Variants in RIPK1 observed in about 807,000 individuals in gnomAD.
RIPK1 encodes the protein receptor-interacting serine/threonine-protein kinase 1.
RIPK1 carries 27 observed loss-of-function variants against 62.4 expected under a neutral mutation model. That is an observed-to-expected ratio of 0.43 (90% CI 0.32 to 0.60). The LOEUF is 0.60. Among genes scored for constraint, RIPK1 ranks in the 20% least tolerant of loss-of-function variants. The pLI is 0.07. For missense variants in RIPK1, 735 were observed against 831.0 expected (o/e 0.88, Z 1.42); for synonymous variants, 287 against 303.2 (o/e 0.95, Z 0.55).
chr6:3,099,046 G>T (rs1760464333), intron 7 of RIPK1, among the ~76,000 whole-genome samples: 1 of 152,214 alleles, frequency 6.6e-6, no homozygotes, highest in African/African-American at 2.4e-5. Flanking sequence ...CCTTGAGGGG[G>T]AATCTGAGAG....
intron 7 of RIPK1, among the ~76,000 whole-genome samples, chr6:3,090,385 C>G (rs572870095): frequency 6.6e-6 from 1 of 152,190 alleles, no homozygotes; most frequent in African/African-American, 2.4e-5. Context: ...ACAAATAAAA[C>G]AGGCAGAGAC....
intron 5 of RIPK1, among the ~76,000 whole-genome samples, chr6:3,083,919 A>ACATCCTGTCGAG (rs1361487577): frequency 1.3e-5 from 2 of 152,100 alleles, no homozygotes; most frequent in East Asian, 3.9e-4. Context: ...TCCTGTCGAC[A>ACATCCTGTCGAG]CTGTCCTGCA....
At chr6:3,069,324 G>A (rs2113534910) in intron 1 of RIPK1, among the ~76,000 whole-genome samples, 1 of 152,328 alleles carries the variant, frequency 6.6e-6, no homozygotes, top group South Asian at 2.1e-4. Flanking sequence ...CTGAGGGGAC[G>A]AATGTGGTAA....
chr6:3,071,586 C>A (rs958936810), intron 1 of RIPK1, among the ~76,000 whole-genome samples: 2 of 152,194 alleles, frequency 1.3e-5, no homozygotes, highest in Non-Finnish European at 2.9e-5. Flanking sequence ...CAACTACTCA[C>A]AAGGCCTTCC....
intron 9 of RIPK1, among the ~76,000 whole-genome samples, chr6:3,109,044 G>A (rs921169029): frequency 3.3e-5 from 5 of 152,142 alleles, no homozygotes; most frequent in African/African-American, 4.8e-5. Context: ...TTTAGGGACA[G>A]TACCAACACT....
intron 7 of RIPK1, among the ~76,000 whole-genome samples, chr6:3,098,059 C>T (rs756661339): frequency 6.6e-6 from 1 of 152,094 alleles, no homozygotes; most frequent in Non-Finnish European, 1.5e-5. Flanking sequence ...ATTAGCTGGG[C>T]GTGGTGGTGC....
chr6:3,087,095 C>G (rs1759737147), intron 6 of RIPK1, among the ~76,000 whole-genome samples: 1 of 152,150 alleles, frequency 6.6e-6, no homozygotes, highest in South Asian at 2.1e-4. Context: ...TGAACTCTGT[C>G]ATTCTAAAAT....
intron 6 of RIPK1, among the ~76,000 whole-genome samples, chr6:3,086,278 A>G (rs1188737962): frequency 2.0e-5 from 3 of 152,240 alleles, no homozygotes; most frequent in Non-Finnish European, 4.4e-5. Context: ...TTGTGTGAAT[A>G]TAAGTCTTCA....
In RIPK1 at chr6:3,105,687, T is replaced by C. The variant is rs757511544; in HGVS notation, c.1212T>C (p.Ala404=). 2 of 1,614,074 alleles carry C rather than the reference T, an allele frequency of 1.2e-6. No individual in the cohort carries two copies. The highest frequency in any genetic ancestry group is 1.7e-6 in the Non-Finnish European group (2 of 1,179,966). Reference sequence around the variant, plus strand: ...AACAGCAGCCCAGACAGAATGTGGCTTACAACAGAGAGGAGGAAAGGAGAC... The same window carrying C: ...AACAGCAGCCCAGACAGAATGTGGCCTACAACAGAGAGGAGGAAAGGAGAC... ...QTKQQPRQNV[A]YNREEERRRR... is the part of the protein sequence containing the mutation. The change falls in exon 9 of 11, where the codon GCT becomes GCC. Residue 404 remains alanine (A), a synonymous_variant. Transcript: ENST00000259808. The surrounding 1 kb of genome is among the most constrained non-coding windows in gnomAD (Gnocchi z 4.5).
At chr6:3,079,757 G>A (rs1759279826) in intron 3 of RIPK1, among the ~76,000 whole-genome samples, 1 of 152,236 alleles carries the variant, frequency 6.6e-6, no homozygotes, top group African/African-American at 2.4e-5. Flanking sequence ...TGGTATTATA[G>A]TTTGATCAGA....
chr6:3,104,749 A>C (rs1332611042), intron 8 of RIPK1, among the ~76,000 whole-genome samples: 3 of 152,212 alleles, frequency 2.0e-5, no homozygotes, highest in African/African-American at 7.2e-5. Flanking sequence ...TCTGTGGCTA[A>C]TTACTTAACC....
intron 1 of RIPK1, 95 bp downstream of exon 1, chr6:3,068,756 C>A: frequency 1.3e-6 from 1 of 751,742 alleles, no homozygotes; most frequent in Non-Finnish European, 1.6e-6. Context: ...CCTCCCCCAG[C>A]ACGCCCGGGC....
chr6:3,066,135 C>T (rs541523220), upstream of RIPK1, among the ~76,000 whole-genome samples: 46 of 152,224 alleles, frequency 3.0e-4, no homozygotes, highest in African/African-American at 1.0e-3. Context: ...GCAATTCTCC[C>T]GCCTCAGCCT....
At chr6:3,066,319 C>A (rs990530315), upstream of RIPK1, among the ~76,000 whole-genome samples, 1 of 152,190 alleles carries the variant, frequency 6.6e-6, no homozygotes, top group Non-Finnish European at 1.5e-5. Context: ...CCACTACACA[C>A]GGCCAGAACA....
Position 3,114,664 on chromosome 6 carries a change from C to A in RIPK1, c.*1325C>A, listed in dbSNP as rs1761322130. ...TCCCCTCAACTCTAGCAGACACATA[C>A]ACACCCCTGAAATGGGGCTGCAGAG... On this transcript the variant is annotated 3_prime_UTR_variant, in exon 11 of 11. Coordinates refer to ENST00000259808, the MANE Select transcript of RIPK1 (RefSeq NM_001354930.2). The surrounding 1 kb of genome is among the most constrained non-coding windows in gnomAD (Gnocchi z 5.0). 1 of 152,246 alleles carries A rather than the reference C, an allele frequency of 6.6e-6. No individual in the cohort carries two copies. Among genetic ancestry groups the A allele is most frequent in the African/African-American group, 2.4e-5 (1 of 41,426 alleles). 9.4% of individuals were successfully genotyped at this position (152,246 alleles called of 1,614,324 possible).
chr6:3,112,714 T>C (rs1227327094), intron 10 of RIPK1, among the ~76,000 whole-genome samples: 1 of 152,104 alleles, frequency 6.6e-6, no homozygotes, highest in African/African-American at 2.4e-5. Context: ...AAAATTTTTT[T>C]TTTGGTAGAG....
rs1760814947 is a variant in RIPK1, at chr6:3,105,725, A to G, written c.1250A>G (p.His417Arg). The change falls in exon 9 of 11, where the codon CAT becomes CGT. Residue 417 changes from histidine to arginine, a missense_variant. Physicochemically the swap from His to Arg is conservative, Grantham distance 29. Coordinates refer to ENST00000259808, the MANE Select transcript of RIPK1 (RefSeq NM_001354930.2). This position sits in a 1 kb window ranked among gnomAD's most constrained non-coding sequence, Gnocchi z 4.5. Reference protein sequence around the residue: ...REEERRRRVSHDPFAQQRPYE... With the variant: ...REEERRRRVSRDPFAQQRPYE... ...GAGGAAAGGAGACGCAGGGTCTCCC[A>G]TGACCCTTTTGCACAGCAAAGACCT... is the stretch of plus-strand genomic sequence containing the variant. 1 of 1,613,932 alleles carries G rather than the reference A, an allele frequency of 6.2e-7. No individual in the cohort carries two copies. The highest frequency in any genetic ancestry group is 8.5e-7 in the Non-Finnish European group (1 of 1,179,864).
chr6:3,077,459 T>TC (rs891022894), intron 2 of RIPK1, among the ~76,000 whole-genome samples: 2 of 151,882 alleles, frequency 1.3e-5, no homozygotes, highest in African/African-American at 4.8e-5. Context: ...AGAGGCTGTT[T>TC]TTTTTTTTTT....
Position 3,113,546 on chromosome 6 carries a change from ACTT to A in RIPK1, c.*210_*212del. 1.8e-6 allele frequency: 1 copy of A among 541,046 alleles called. No homozygotes were observed. Among genetic ancestry groups the A allele is most frequent in the South Asian group, 2.8e-5 (1 of 35,958 alleles). The allele number at this position is 541,046 out of a possible 1,614,324, so 33.5% of individuals were successfully genotyped here. ...CACTCTGTTGCCAGGCTGGTCTCAA[ACTT>A]CTGGACTCAAGTGATCCTCCCGCCT... On this transcript the variant is annotated 3_prime_UTR_variant, in exon 11 of 11. Transcript: ENST00000259808. This position sits in a 1 kb window ranked among gnomAD's most constrained non-coding sequence, Gnocchi z 5.0.
Sources: allele counts gnomAD v4.1 joint callset (sites outside exome capture counted in the v4.1 genomes callset), GRCh38; gene constraint gnomAD v4.1.1; non-coding constraint Gnocchi (gnomAD v3.1); transcripts MANE v1.5; gene names NCBI Gene and HGNC (gene_info 2026-07-23, HGNC 2026-07-21).